DNER: variants seen among roughly 807,000 people sequenced by gnomAD.
The protein encoded by DNER is delta/notch like EGF repeat containing.
DNER carries 33 observed loss-of-function variants against 78.2 expected under a neutral mutation model. The ratio of observed to expected loss-of-function variants is 0.42; its 90% CI spans 0.32 to 0.56. The LOEUF is 0.56. Ranked by LOEUF, DNER falls within the 20% of genes least tolerant of loss-of-function variation. DNER has a pLI of 0.11. For missense variants in DNER, 918 were observed against 975.3 expected (o/e 0.94, Z 0.78); for synonymous variants, 417 against 384.8 (o/e 1.08, Z -0.98).
intron 7 of DNER, among the ~76,000 whole-genome samples, chr2:229,460,748 T>C (rs1162021218): frequency 1.3e-5 from 2 of 152,082 alleles, no homozygotes; most frequent in African/African-American, 4.8e-5. Flanking sequence ...ATGTTACAGG[T>C]TTGTTGATGG....
chr2:229,600,174 C>A (rs950012384), intron 1 of DNER, among the ~76,000 whole-genome samples: 1 of 152,170 alleles, frequency 6.6e-6, no homozygotes, highest in African/African-American at 2.4e-5. Context: ...GTTGGCAAAT[C>A]ACAACCACAG....
chr2:229,572,833 T>C (rs1048881979), intron 4 of DNER, among the ~76,000 whole-genome samples: 1 of 152,228 alleles, frequency 6.6e-6, no homozygotes, highest in African/African-American at 2.4e-5. Flanking sequence ...TTTTAATTTT[T>C]GGTTACTTGA....
intron 1 of DNER, among the ~76,000 whole-genome samples, chr2:229,600,196 T>C (rs1697801559): frequency 1.3e-5 from 2 of 151,672 alleles, no homozygotes; most frequent in South Asian, 4.1e-4. Flanking sequence ...CCAAATCTGG[T>C]TTGTTTTTTG....
At chr2:229,501,129 A>G (rs933187906) in intron 6 of DNER, among the ~76,000 whole-genome samples, 2 of 152,040 alleles carry the variant, frequency 1.3e-5, no homozygotes, top group East Asian at 1.9e-4. Flanking sequence ...CCAGGAGGGT[A>G]GGAGGAGGGG....
intron 7 of DNER, among the ~76,000 whole-genome samples, chr2:229,461,866 A>G (rs1280211489): frequency 6.6e-6 from 1 of 152,146 alleles, no homozygotes; most frequent in Non-Finnish European, 1.5e-5. Flanking sequence ...AATCTTGGAA[A>G]GAAAACACAA....
At chr2:229,449,246 A>C (rs1694401871) in intron 7 of DNER, among the ~76,000 whole-genome samples, 1 of 152,236 alleles carries the variant, frequency 6.6e-6, no homozygotes, top group East Asian at 1.9e-4. Flanking sequence ...ACTCTGATTG[A>C]AAAGAAGATA....
At position 229,630,479 on chromosome 2, in the gene DNER, A is replaced by AAATT. The variant is rs575091484; in HGVS notation, c.277-38592_277-38591insAATT. Among the ~76,000 whole-genome samples the AAATT allele has an allele frequency of 1.2e-3, 160 of 139,054 alleles. 1 individual carries two copies. Among genetic ancestry groups the AAATT allele is most frequent in the African/African-American group, 3.4e-3 (127 of 37,464 alleles). 91.2% of individuals were successfully genotyped at this position (139,054 alleles called of 152,430 possible). On this transcript the variant is annotated intron_variant, in intron 1 of 12. Transcript: ENST00000341772. ...CGACAGAGTGAGAGACTCCATCTCA[A>AAATT]AATAATAATAATAATAATAATAATA... is the stretch of plus-strand genomic sequence containing the variant.
intron 4 of DNER, among the ~76,000 whole-genome samples, chr2:229,573,220 C>A (rs1697246282): frequency 6.6e-6 from 1 of 152,168 alleles, no homozygotes; most frequent in Admixed American, 6.5e-5. Context: ...ACAATTACGG[C>A]ATTAAAACAG....
chr2:229,416,526 G>A (rs558376964), intron 9 of DNER, among the ~76,000 whole-genome samples: 1 of 152,134 alleles, frequency 6.6e-6, no homozygotes, highest in South Asian at 2.1e-4. Flanking sequence ...ACAAAAAATG[G>A]GGGGGCCAGC....
chr2:229,508,863 AG>A (rs539098083), intron 6 of DNER, among the ~76,000 whole-genome samples: 113 of 151,836 alleles, frequency 7.4e-4, no homozygotes, highest in Admixed American at 4.3e-3. Flanking sequence ...CCTGGGCGAC[AG>A]AGTGAGACTC....
intron 6 of DNER, among the ~76,000 whole-genome samples, chr2:229,504,085 A>C (rs2154212041): frequency 6.6e-6 from 1 of 152,006 alleles, no homozygotes; most frequent in East Asian, 1.9e-4. Flanking sequence ...GTGTTTGAAA[A>C]CCAGGAGATG....
At chr2:229,687,539 T>G (rs1699506137) in intron 1 of DNER, among the ~76,000 whole-genome samples, 1 of 152,114 alleles carries the variant, frequency 6.6e-6, no homozygotes, top group Admixed American at 6.6e-5. Context: ...GCTGGGGGAT[T>G]ACAGACGTGA....
chr2:229,490,787 C>T (rs1241182583), intron 6 of DNER, among the ~76,000 whole-genome samples: 2 of 152,160 alleles, frequency 1.3e-5, no homozygotes, highest in African/African-American at 2.4e-5. Context: ...TCATTCACAA[C>T]TCTCCACTTC....
chr2:229,604,517 G>A (rs1355241858), intron 1 of DNER, among the ~76,000 whole-genome samples: 1 of 152,200 alleles, frequency 6.6e-6, no homozygotes, highest in East Asian at 1.9e-4. Flanking sequence ...GAAACCAGGT[G>A]CAAGAGCAGA....
intron 5 of DNER, among the ~76,000 whole-genome samples, chr2:229,519,381 T>C (rs779702425): frequency 6.6e-6 from 1 of 152,168 alleles, no homozygotes; most frequent in African/African-American, 2.4e-5. Context: ...AAAGAACATA[T>C]ACAGAAAATA....
rs114087955 is a variant in DNER at position 229,710,453 on chromosome 2, T to C, written c.276+3695A>G. Among the ~76,000 whole-genome samples the C allele has an allele frequency of 9.2e-3, 1,400 of 152,298 alleles. 23 individuals carry two copies. The highest frequency in any genetic ancestry group is 0.032 in the African/African-American group (1,329 of 41,556). On this transcript the variant is annotated intron_variant, in intron 1 of 12. Coordinates refer to ENST00000341772, the MANE Select transcript of DNER (RefSeq NM_139072.4). ...TTGGGACAGTCACTTCACTTTTCTG[T>C]ACTTCATCTATAAAATGGGAGTAGG...
At chr2:229,557,321 A>C (rs1696870858) in intron 4 of DNER, among the ~76,000 whole-genome samples, 2 of 152,244 alleles carry the variant, frequency 1.3e-5, no homozygotes, top group Admixed American at 1.3e-4. Context: ...GTAGGAAGTC[A>C]ATGTACATAG....
At chr2:229,538,312 CT>C (rs1696450088) in intron 5 of DNER, among the ~76,000 whole-genome samples, 1 of 152,194 alleles carries the variant, frequency 6.6e-6, no homozygotes, top group Non-Finnish European at 1.5e-5. Context: ...TTAACGAACA[CT>C]GTCATAAAGC....
chr2:229,629,517 C>CA (rs913537560), intron 1 of DNER, among the ~76,000 whole-genome samples: 8 of 152,172 alleles, frequency 5.3e-5, no homozygotes, highest in African/African-American at 1.9e-4. Flanking sequence ...TTAGCAACTC[C>CA]AGGGTGCCAG....
Sources: gnomAD v4.1 joint callset for allele counts (sites outside exome capture counted in the v4.1 genomes callset) on GRCh38, gnomAD v4.1.1 for gene constraint, MANE v1.5 for transcripts, NCBI Gene and HGNC (gene_info 2026-07-23, HGNC 2026-07-21) for gene names.